Variants in HTR1F observed in about 807,000 individuals in gnomAD.
HTR1F encodes 5-hydroxytryptamine receptor 1F.
In HTR1F, 17 loss-of-function variants were observed where a neutral mutation model predicts 24.0. That is an observed-to-expected ratio of 0.71 (90% CI 0.48 to 1.06). HTR1F has a LOEUF of 1.06. Among genes scored for constraint, HTR1F ranks in the 50% least tolerant of loss-of-function variants. The pLI is 0.00. For missense variants in HTR1F, 391 were observed against 427.8 expected, an observed-to-expected ratio of 0.91 and a Z score of 0.76; for synonymous variants, 186 against 156.8, an observed-to-expected ratio of 1.19 and a Z score of -1.39.
At chr3:87,943,191 G>A (rs1173888240) in intron 2 of HTR1F, among the ~76,000 whole-genome samples, 2 of 152,158 alleles carry the variant, frequency 1.3e-5, no homozygotes, top group Non-Finnish European at 2.9e-5. Context: ...TCTTTCTTCT[G>A]TTGTCATCCT....
At chr3:87,840,567 T>A (rs949340675) in intron 2 of HTR1F, among the ~76,000 whole-genome samples, 5 of 152,006 alleles carry the variant, frequency 3.3e-5, no homozygotes, top group Non-Finnish European at 7.4e-5. Flanking sequence ...ATAATAATAT[T>A]AACATATGAT....
chr3:87,928,406 T>G (rs573944582), intron 2 of HTR1F, among the ~76,000 whole-genome samples: 2 of 152,320 alleles, frequency 1.3e-5, no homozygotes, highest in East Asian at 3.9e-4. Context: ...AACATTTTAT[T>G]TGGACAGCTC....
At chr3:87,961,135 A>G (rs1705051497) in intron 2 of HTR1F, among the ~76,000 whole-genome samples, 1 of 152,014 alleles carries the variant, frequency 6.6e-6, no homozygotes, top group Non-Finnish European at 1.5e-5. Flanking sequence ...GAAGTTCTTC[A>G]GTTGAGATGC....
At chr3:87,807,381 C>T (rs971688438) in intron 1 of HTR1F, among the ~76,000 whole-genome samples, 2 of 151,684 alleles carry the variant, frequency 1.3e-5, no homozygotes, top group Admixed American at 6.6e-5. Flanking sequence ...ATTTTTGTAG[C>T]TATTGTAAAT....
intron 1 of HTR1F, among the ~76,000 whole-genome samples, chr3:87,818,787 G>C (rs546845231): frequency 1.3e-5 from 2 of 152,272 alleles, no homozygotes; most frequent in East Asian, 3.9e-4. Context: ...TTGGGCAAGT[G>C]CTTCTTTAAC....
chr3:87,903,318 T>C (rs13086421), intron 2 of HTR1F, among the ~76,000 whole-genome samples: 13,023 of 149,268 alleles, frequency 0.087, 553 homozygotes, highest in African/African-American at 0.12. Context: ...CAAAAGAAAC[T>C]ACCATCAGAG....
chr3:87,935,174 G>A (rs538659009), intron 2 of HTR1F, among the ~76,000 whole-genome samples: 17 of 152,058 alleles, frequency 1.1e-4, no homozygotes, highest in Admixed American at 2.6e-4. Flanking sequence ...GGTTCTTAAC[G>A]GTTACTTCAC....
intron 2 of HTR1F, among the ~76,000 whole-genome samples, chr3:87,915,886 T>C (rs2107362121): frequency 6.6e-6 from 1 of 152,092 alleles, no homozygotes; most frequent in East Asian, 1.9e-4. Context: ...AAAAATATTA[T>C]CACCTAGCCA....
At chr3:87,926,164 T>C (rs1704122419) in intron 2 of HTR1F, among the ~76,000 whole-genome samples, 1 of 152,230 alleles carries the variant, frequency 6.6e-6, no homozygotes, top group African/African-American at 2.4e-5. Context: ...AGTGAAAGTA[T>C]GTCAGTGGAT....
At chr3:87,926,652 T>C (rs754867346) in intron 2 of HTR1F, among the ~76,000 whole-genome samples, 1 of 152,110 alleles carries the variant, frequency 6.6e-6, no homozygotes, top group Non-Finnish European at 1.5e-5. Context: ...CCTCATATAG[T>C]GTATACTGAA....
chr3:87,977,450 G>A (rs532437975), intron 2 of HTR1F, among the ~76,000 whole-genome samples: 55 of 137,914 alleles, frequency 4.0e-4, no homozygotes, highest in Admixed American at 1.4e-3. Flanking sequence ...CCAGGCTGGA[G>A]TGCAGTGGCT....
intron 1 of HTR1F, among the ~76,000 whole-genome samples, chr3:87,812,328 T>C (rs1704174820): frequency 6.6e-6 from 1 of 152,098 alleles, no homozygotes; most frequent in Non-Finnish European, 1.5e-5. Flanking sequence ...GACAATGAAG[T>C]CCAGGCTGAG....
intron 1 of HTR1F, among the ~76,000 whole-genome samples, chr3:87,800,277 C>A (rs1703971286): frequency 6.6e-6 from 1 of 152,262 alleles, no homozygotes; most frequent in South Asian, 2.1e-4. Context: ...TCTGCTCCAA[C>A]TTTACTTTCA....
At chr3:87,907,370 G>C (rs543913630) in intron 2 of HTR1F, among the ~76,000 whole-genome samples, 1 of 117,020 alleles carries the variant, frequency 8.5e-6, no homozygotes, top group African/African-American at 6.1e-5. Context: ...ACTTTTTGAA[G>C]GGATTTTTTT....
intron 2 of HTR1F, among the ~76,000 whole-genome samples, chr3:87,834,641 T>C (rs1340766998): frequency 6.6e-6 from 1 of 152,162 alleles, no homozygotes; most frequent in East Asian, 1.9e-4. Context: ...AACAATAGCT[T>C]AGACCAGAAG....
chr3:87,884,205 A>G (rs1705880888), intron 2 of HTR1F, among the ~76,000 whole-genome samples: 2 of 152,210 alleles, frequency 1.3e-5, no homozygotes, highest in Admixed American at 1.3e-4. Context: ...TTCTTAAAGA[A>G]AAGAATTTTC....
intron 2 of HTR1F, among the ~76,000 whole-genome samples, chr3:87,944,438 A>C (rs569668644): frequency 6.6e-6 from 1 of 152,264 alleles, no homozygotes; most frequent in Admixed American, 6.5e-5. Context: ...CTCTGCTTCC[A>C]CAAGAGTCTC....
At chr3:87,950,916 C>G (rs1458166397) in intron 2 of HTR1F, among the ~76,000 whole-genome samples, 1 of 152,142 alleles carries the variant, frequency 6.6e-6, no homozygotes, top group East Asian at 1.9e-4. Context: ...GGTATTTAGA[C>G]AGTCCTTGGA....
chr3:87,932,494 G>C (rs922349236), intron 2 of HTR1F, among the ~76,000 whole-genome samples: 1 of 152,044 alleles, frequency 6.6e-6, no homozygotes, highest in Non-Finnish European at 1.5e-5. Context: ...CTCCAGCTTT[G>C]TTCTTTTGGC....
Sources: gnomAD v4.1 joint callset for allele counts (sites outside exome capture counted in the v4.1 genomes callset) on GRCh38, gnomAD v4.1.1 for gene constraint, MANE v1.5 for transcripts, NCBI Gene and HGNC (gene_info 2026-07-23, HGNC 2026-07-21) for gene names.